The following RFX4 variants were observed in gnomAD, a reference collection of about 807,000 sequenced individuals.
RFX4 encodes transcription factor RFX4.
Under a neutral mutation model 95.0 loss-of-function variants are expected in RFX4, and 10 were observed. That is an observed-to-expected ratio of 0.11 (90% CI 0.06 to 0.18). The LOEUF is 0.18. Among genes scored for constraint, RFX4 ranks in the 10% least tolerant of loss-of-function variants. RFX4 has a pLI of 1.00. For missense variants in RFX4, 640 were observed against 922.0 expected, an observed-to-expected ratio of 0.69 and a Z score of 3.96; for synonymous variants, 321 against 340.7, an observed-to-expected ratio of 0.94 and a Z score of 0.64.
rs116552914 is a variant in RFX4, at chr12:106,743,840, T to C, written c.1634-3597T>C. Among the ~76,000 whole-genome samples the C allele has an allele frequency of 4.6e-3, 693 of 152,300 alleles. 4 individuals are homozygous for C. Among genetic ancestry groups the C allele is most frequent in the African/African-American group, 0.016 (670 of 41,580 alleles). On this transcript the variant is annotated intron_variant, in intron 15 of 17. Transcript: ENST00000392842. ...TTGACCTCGCTGTGCTCGCCTGAGG[T>C]CCCAGAGGCTTCAAGGGTTAATTAC...
At chr12:106,733,391 G>T in intron 15 of RFX4, 1 of 263,858 alleles carries the variant, frequency 3.8e-6, no homozygotes, top group East Asian at 7.9e-5. Context: ...GCCAAAACCT[G>T]GGTATCTTCC....
intron 7 of RFX4, among the ~76,000 whole-genome samples, chr12:106,692,171 A>C (rs2041797828): frequency 6.6e-6 from 1 of 151,794 alleles, no homozygotes; most frequent in Non-Finnish European, 1.5e-5. Context: ...AAAAAAAAAA[A>C]ATGCAAATCT....
chr12:106,618,414 CT>C lies in RFX4; in HGVS notation c.130+9534del, dbSNP rs1235876650. Among the ~76,000 whole-genome samples the C allele has an allele frequency of 7.9e-5, 12 of 151,940 alleles. No individual in the cohort carries two copies. The East Asian group carries it at 2.3e-3, about 29-fold the overall frequency. On this transcript the variant is annotated intron_variant, in intron 2 of 17. Coordinates refer to ENST00000392842, the MANE Select transcript of RFX4 (RefSeq NM_213594.3). The stretch of plus-strand genomic sequence containing the variant: ...ATATTTTTAGCTTTGTTAATTTTTA[CT>C]TTATATATTTTGAAGTATTAATTTC...
intron 15 of RFX4, among the ~76,000 whole-genome samples, chr12:106,744,715 G>A (rs1274012948): frequency 2.6e-5 from 4 of 152,154 alleles, no homozygotes; most frequent in Non-Finnish European, 4.4e-5. Context: ...GAGACACAAC[G>A]GTAGAGAGTA....
intron 14 of RFX4, among the ~76,000 whole-genome samples, chr12:106,732,468 G>A (rs2042631910): frequency 6.6e-6 from 1 of 152,172 alleles, no homozygotes; most frequent in Admixed American, 6.6e-5. Flanking sequence ...GGGAGGCCAA[G>A]GCGGGCAGCT....
chr12:106,719,175 T>C (rs2042351149), intron 11 of RFX4, among the ~76,000 whole-genome samples: 1 of 152,120 alleles, frequency 6.6e-6, no homozygotes, highest in Non-Finnish European at 1.5e-5. Flanking sequence ...GTTATCTGAC[T>C]TAAAGTGAAG....
chr12:106,622,356 TG>T (rs763738359), intron 2 of RFX4, among the ~76,000 whole-genome samples: 1 of 152,122 alleles, frequency 6.6e-6, no homozygotes, highest in Non-Finnish European at 1.5e-5. Context: ...TTGATGTTTT[TG>T]TGTTTCCTTC....
At chr12:106,701,140 T>G (rs150004842) in intron 8 of RFX4, among the ~76,000 whole-genome samples, 2 of 152,246 alleles carry the variant, frequency 1.3e-5, no homozygotes, top group African/African-American at 4.8e-5. Flanking sequence ...ATACTTTCAC[T>G]GGGTATGGTA....
intron 4 of RFX4, among the ~76,000 whole-genome samples, chr12:106,672,489 T>C (rs1267233519): frequency 1.3e-5 from 2 of 152,200 alleles, no homozygotes; most frequent in Non-Finnish European, 2.9e-5. Flanking sequence ...GCAGGCTTCA[T>C]TGAATCCATA....
intron 2 of RFX4, among the ~76,000 whole-genome samples, chr12:106,609,746 T>C (rs2039917173): frequency 6.6e-6 from 1 of 152,172 alleles, no homozygotes; most frequent in African/African-American, 2.4e-5. Context: ...GATGGGGTTT[T>C]TTTTTTCTTT....
At chr12:106,598,691 C>A (rs556956623) in intron 1 of RFX4, among the ~76,000 whole-genome samples, 22 of 152,180 alleles carry the variant, frequency 1.4e-4, no homozygotes, top group African/African-American at 4.8e-4. Flanking sequence ...GGCTCCTGAG[C>A]TTTTGGGGGA....
In RFX4 at chr12:106,696,405, C is replaced by A. The variant is rs764344281; in HGVS notation, c.792C>A (p.Ser264=). The part of the protein sequence containing the change: ...VCDSILYKAI[S]GVLMPTVLQA... ...ACTCCATCCTCTACAAAGCTATCTC[C>A]GGGGTGCTGATGCCCACTGTGCTGC... The change falls in exon 8 of 18, where the codon TCC becomes TCA. Residue 264 remains serine, a synonymous_variant. Coordinates refer to ENST00000392842, the MANE Select transcript of RFX4 (RefSeq NM_213594.3). 1 of 1,614,096 alleles carries A rather than the reference C, an allele frequency of 6.2e-7. No individual in the cohort carries two copies. Among genetic ancestry groups the A allele is most frequent in the Non-Finnish European group, 8.5e-7 (1 of 1,180,002 alleles).
At chr12:106,709,087 G>T (rs948510780) in intron 8 of RFX4, among the ~76,000 whole-genome samples, 1 of 152,090 alleles carries the variant, frequency 6.6e-6, no homozygotes, top group African/African-American at 2.4e-5. Flanking sequence ...AATAGTTCTG[G>T]ATGCCACCAA....
intron 2 of RFX4, among the ~76,000 whole-genome samples, chr12:106,633,374 C>T (rs2040454338): frequency 6.6e-6 from 1 of 152,108 alleles, no homozygotes; most frequent in Non-Finnish European, 1.5e-5. Flanking sequence ...GATCTGTTTC[C>T]TTATTTATAA....
At chr12:106,615,866 AT>A (rs779887661) in intron 2 of RFX4, among the ~76,000 whole-genome samples, 206 of 152,290 alleles carry the variant, frequency 1.4e-3, no homozygotes, top group Non-Finnish European at 2.0e-3. Context: ...TAAAATTTGC[AT>A]TTTTTGAACA....
At chr12:106,729,623 A>G (rs563099256) in intron 13 of RFX4, among the ~76,000 whole-genome samples, 1 of 152,346 alleles carries the variant, frequency 6.6e-6, no homozygotes, top group Admixed American at 6.5e-5. Context: ...TGTAAAAGGA[A>G]AGTATCACTT....
At chr12:106,750,611 T>C in intron 16 of RFX4, 44 bp from the exon 17 acceptor site, 3 of 1,487,598 alleles carry the variant, frequency 2.0e-6, no homozygotes, top group Non-Finnish European at 2.7e-6. Flanking sequence ...ACTGATCTGT[T>C]CTTGCTATTA....
At chr12:106,731,400 A>G (rs894531230) in intron 13 of RFX4, among the ~76,000 whole-genome samples, 29 of 152,248 alleles carry the variant, frequency 1.9e-4, no homozygotes, top group Admixed American at 1.9e-3. Context: ...TAGTTATTAA[A>G]TTAGAGAAGA....
intron 4 of RFX4, among the ~76,000 whole-genome samples, chr12:106,672,454 T>C (rs746498964): frequency 6.6e-6 from 1 of 152,170 alleles, no homozygotes; most frequent in Non-Finnish European, 1.5e-5. Flanking sequence ...GATCAGTAGC[T>C]AGAACAGCAT....
Sources: allele counts gnomAD v4.1 joint callset (sites outside exome capture counted in the v4.1 genomes callset), GRCh38; gene constraint gnomAD v4.1.1; transcripts MANE v1.5; gene names NCBI Gene and HGNC (gene_info 2026-07-23, HGNC 2026-07-21).